FAM184A: variants seen among roughly 807,000 people sequenced by gnomAD.
FAM184A encodes family with sequence similarity 184 member A.
FAM184A carries 99 observed loss-of-function variants against 143.8 expected under a neutral mutation model. The observed-to-expected ratio is 0.69, with a 90% CI of 0.58 to 0.81. The LOEUF (loss-of-function observed/expected upper bound fraction) is 0.81, where lower values mean the gene tolerates loss of function less well. Among genes scored for constraint, FAM184A ranks in the 40% least tolerant of loss-of-function variants. FAM184A has a pLI of 0.00. For synonymous variants in FAM184A, 427 were observed against 446.4 expected, an observed-to-expected ratio of 0.96 and a Z score of 0.55; for missense variants, 1,217 against 1,310.5, an observed-to-expected ratio of 0.93 and a Z score of 1.10.
chr6:119,087,818 T>G (rs911901428), intron 1 of FAM184A, among the ~76,000 whole-genome samples: 1 of 152,218 alleles, frequency 6.6e-6, no homozygotes, highest in Non-Finnish European at 1.5e-5. Flanking sequence ...AGCAGCATTA[T>G]TCACAGAAGC....
At chr6:119,069,873 C>T (rs1433531100) in intron 1 of FAM184A, among the ~76,000 whole-genome samples, 2 of 152,056 alleles carry the variant, frequency 1.3e-5, no homozygotes, top group African/African-American at 4.8e-5. Context: ...TGTTATTTTA[C>T]TAAAATTATC....
At chr6:119,098,922 CA>C (rs1227158036) in intron 1 of FAM184A, among the ~76,000 whole-genome samples, 15 of 152,090 alleles carry the variant, frequency 9.9e-5, no homozygotes, top group Admixed American at 8.5e-4. Flanking sequence ...CCGGCCTGAC[CA>C]ATATGATGAA....
chr6:118,989,765 A>G (rs899283791), intron 9 of FAM184A, among the ~76,000 whole-genome samples: 4 of 151,624 alleles, frequency 2.6e-5, no homozygotes, highest in Non-Finnish European at 1.5e-5. Flanking sequence ...ACAAAACTTA[A>G]GAAAATTGGA....
intron 11 of FAM184A, among the ~76,000 whole-genome samples, chr6:118,976,265 T>A (rs569965528): frequency 2.6e-5 from 4 of 152,210 alleles, no homozygotes; most frequent in African/African-American, 4.8e-5. Context: ...ATAAAATATT[T>A]CAAATGTTTA....
intron 1 of FAM184A, among the ~76,000 whole-genome samples, chr6:119,139,049 A>G (rs886712233): frequency 3.9e-5 from 6 of 152,186 alleles, no homozygotes; most frequent in Non-Finnish European, 7.3e-5. Flanking sequence ...GCACGGTAGC[A>G]GATTTCACAG....
chr6:118,976,181 C>G, intron 11 of FAM184A, 137 bp from the exon 12 acceptor site: 1 of 789,376 alleles, frequency 1.3e-6, no homozygotes, highest in Non-Finnish European at 2.0e-6. Context: ...AGATTATAAA[C>G]TATGACAAAT....
In FAM184A at chr6:119,011,415, T is replaced by G; in HGVS notation, c.1547A>C (p.His516Pro). ...KKLQMDLEEQ[H>P]NKDKLNLEED... ...TTCCAGGTTTAGTTTATCTTTGTTA[T>G]GTTGTTCTTCCAAATCCTTAGAAAA... Residue 516 changes from histidine to proline, a missense_variant, in exon 6 of 18, where the codon CAT (histidine) becomes CCT (proline). Coordinates refer to ENST00000338891, the MANE Select transcript of FAM184A (RefSeq NM_024581.6). 1 of 1,554,756 alleles carries G rather than the reference T, an allele frequency of 6.4e-7. No homozygotes were observed. Among genetic ancestry groups the G allele is most frequent in the Non-Finnish European group, 8.7e-7 (1 of 1,142,920 alleles).
intron 1 of FAM184A, among the ~76,000 whole-genome samples, chr6:119,050,662 C>T (rs1361906231): frequency 2.1e-4 from 32 of 151,928 alleles, no homozygotes; most frequent in African/African-American, 7.0e-4. Context: ...AAAAATTAGC[C>T]GGGCGCGGTG....
intron 1 of FAM184A, among the ~76,000 whole-genome samples, chr6:119,069,294 T>TA (rs1787592610): frequency 6.6e-6 from 1 of 150,688 alleles, no homozygotes; most frequent in Non-Finnish European, 1.5e-5. Flanking sequence ...AGTAGACCAT[T>TA]AAACACACAC....
intron 1 of FAM184A, among the ~76,000 whole-genome samples, chr6:119,143,738 G>A (rs1456343502): frequency 2.6e-5 from 4 of 152,160 alleles, no homozygotes; most frequent in Non-Finnish European, 5.9e-5. Context: ...GATCCCACTT[G>A]GATGAGAGGC....
rs374634699 is a variant in FAM184A, at chr6:119,003,610, G to C, written c.1828C>G (p.Gln610Glu). The change falls in exon 8 of 18, where the codon CAA becomes GAA. Residue 610 changes from glutamine (Q) to glutamate (E), a missense_variant. By Grantham distance (29) the Gln-to-Glu change is conservative (BLOSUM62 2). Transcript: ENST00000338891. ...GTTTCTTCATGCTGTTGCCTTTCTT[G>C]TTCTAGCTCACCCTGAAGAATAAAA... ...ALLNVEGELE[Q>E]ERQQHEETIA... 1 of 1,610,732 alleles carries C rather than the reference G, an allele frequency of 6.2e-7. No individual in the cohort carries two copies. The highest frequency in any genetic ancestry group is 8.5e-7 in the Non-Finnish European group (1 of 1,178,446).
intron 14 of FAM184A, among the ~76,000 whole-genome samples, chr6:118,971,932 C>A (rs1282424288): frequency 6.6e-6 from 1 of 152,170 alleles, no homozygotes; most frequent in Non-Finnish European, 1.5e-5. Context: ...TGCACCATGT[C>A]CCTTCAGCCC....
At chr6:118,977,178 A>G (rs565497814) in intron 11 of FAM184A, among the ~76,000 whole-genome samples, 1 of 152,302 alleles carries the variant, frequency 6.6e-6, no homozygotes, top group African/African-American at 2.4e-5. Flanking sequence ...ACTACGGTGG[A>G]TCAAAACCAC....
intron 9 of FAM184A, among the ~76,000 whole-genome samples, chr6:118,981,237 T>C (rs1349357340): frequency 6.6e-6 from 1 of 152,196 alleles, no homozygotes; most frequent in African/African-American, 2.4e-5. Context: ...CATATATGCA[T>C]TTGATAAAAC....
intron 1 of FAM184A, among the ~76,000 whole-genome samples, chr6:119,124,684 T>C (rs1056391597): frequency 5.9e-5 from 9 of 152,096 alleles, no homozygotes; most frequent in Non-Finnish European, 1.3e-4. Flanking sequence ...CTGGCAAATC[T>C]AATAAAACGT....
intron 1 of FAM184A, among the ~76,000 whole-genome samples, chr6:119,102,661 G>A (rs957634571): frequency 6.6e-6 from 1 of 151,500 alleles, no homozygotes; most frequent in Non-Finnish European, 1.5e-5. Flanking sequence ...ATGCTGGCAT[G>A]CACCTGTAGC....
chr6:119,021,884 G>C (rs977427275), intron 3 of FAM184A, among the ~76,000 whole-genome samples: 3 of 152,066 alleles, frequency 2.0e-5, no homozygotes, highest in Non-Finnish European at 4.4e-5. Flanking sequence ...GCTGAAGTGG[G>C]AGGATCACTT....
chr6:119,006,074 T>C (rs1784907730), intron 7 of FAM184A: 2 of 764,994 alleles, frequency 2.6e-6, no homozygotes, highest in Non-Finnish European at 4.8e-6. Flanking sequence ...TGGAGTAGAA[T>C]GAGCCCTTGT....
chr6:118,969,536 T>C (rs1393358903), intron 14 of FAM184A, among the ~76,000 whole-genome samples: 1 of 152,324 alleles, frequency 6.6e-6, no homozygotes, highest in East Asian at 1.9e-4. Flanking sequence ...ACTATTCCGA[T>C]ATCCATTTCA....
Sources: gnomAD v4.1 joint callset for allele counts (sites outside exome capture counted in the v4.1 genomes callset) on GRCh38, gnomAD v4.1.1 for gene constraint, MANE v1.5 for transcripts, NCBI Gene and HGNC (gene_info 2026-07-23, HGNC 2026-07-21) for gene names.